The following NTRK2 variants were observed in gnomAD, a reference collection of about 807,000 sequenced individuals.
NTRK2 encodes BDNF/NT-3 growth factors receptor.
In NTRK2, 13 loss-of-function variants were observed where a neutral mutation model predicts 94.5. That is an observed-to-expected ratio of 0.14 (90% CI 0.09 to 0.22). The LOEUF (loss-of-function observed/expected upper bound fraction) is 0.22, where lower values mean the gene tolerates loss of function less well. NTRK2 is among the 10% of genes least tolerant of loss of function. The pLI is 1.00. For synonymous variants in NTRK2, 372 were observed against 407.4 expected, an observed-to-expected ratio of 0.91 and a Z score of 1.05; for missense variants, 639 against 1,071.2, an observed-to-expected ratio of 0.60 and a Z score of 5.63.
intron 12 of NTRK2, among the ~76,000 whole-genome samples, chr9:84,778,303 G>T (rs370282033): frequency 2.8e-4 from 43 of 152,202 alleles, no homozygotes; most frequent in African/African-American, 8.2e-4. Flanking sequence ...TAAATTGTGG[G>T]TTTAACTAGC....
intron 9 of NTRK2, among the ~76,000 whole-genome samples, chr9:84,733,452 G>A (rs2132171807): frequency 6.6e-6 from 1 of 152,314 alleles, no homozygotes; most frequent in South Asian, 2.1e-4. Context: ...GTCTTTGGAG[G>A]TATGAGAAAC....
chr9:84,872,335 C>A, intron 14 of NTRK2: 2 of 1,103,188 alleles, frequency 1.8e-6, no homozygotes, highest in Non-Finnish European at 2.2e-6. Context: ...CCAGCAAAAT[C>A]CCCAAATCAT....
chr9:84,833,616 G>C (rs1211734620), intron 12 of NTRK2, among the ~76,000 whole-genome samples: 1 of 149,404 alleles, frequency 6.7e-6, no homozygotes, highest in Admixed American at 6.7e-5. Context: ...AAAAGAAAGA[G>C]AGAGAGAAAG....
At chr9:84,795,578 C>T (rs2069214950) in intron 12 of NTRK2, among the ~76,000 whole-genome samples, 1 of 152,172 alleles carries the variant, frequency 6.6e-6, no homozygotes, top group South Asian at 2.1e-4. Flanking sequence ...TGGGAAGCAG[C>T]CCCAGGTCTC....
intron 12 of NTRK2, among the ~76,000 whole-genome samples, chr9:84,769,179 G>C (rs911863965): frequency 6.6e-6 from 1 of 152,068 alleles, no homozygotes; most frequent in African/African-American, 2.4e-5. Context: ...TAAATTGTAC[G>C]TGGTCAAATT....
intron 14 of NTRK2, chr9:84,874,867 C>A: frequency 9.4e-7 from 1 of 1,058,356 alleles, no homozygotes; most frequent in Non-Finnish European, 1.1e-6. Flanking sequence ...CCTAAACAGA[C>A]TGGAATGAGT....
intron 17 of NTRK2, among the ~76,000 whole-genome samples, chr9:85,015,688 GA>G (rs1832142006): frequency 6.6e-6 from 1 of 152,204 alleles, no homozygotes; most frequent in South Asian, 2.1e-4. Context: ...AAGAGCACTA[GA>G]ACCATCCCTG....
chr9:84,723,487 A>G (rs2062215959), intron 6 of NTRK2, 86 bp from the exon 7 acceptor site: 3 of 1,478,170 alleles, frequency 2.0e-6, no homozygotes, highest in Non-Finnish European at 2.8e-6. Context: ...TTTTTAAAGC[A>G]TAAACAGTTT....
chr9:84,979,315 G>A (rs1827289155), intron 17 of NTRK2, among the ~76,000 whole-genome samples: 1 of 152,192 alleles, frequency 6.6e-6, no homozygotes, highest in South Asian at 2.1e-4. Context: ...GCATTTGGAA[G>A]AAGTTGATTT....
intron 14 of NTRK2, among the ~76,000 whole-genome samples, chr9:84,931,579 G>A (rs759792925): frequency 8.5e-5 from 13 of 152,216 alleles, no homozygotes; most frequent in South Asian, 6.2e-4. Context: ...TGCTTTCAAG[G>A]TCAACGTGGA....
At chr9:84,874,864 A>G in intron 14 of NTRK2, 2 of 1,058,200 alleles carry the variant, frequency 1.9e-6, no homozygotes, top group Non-Finnish European at 2.3e-6. Flanking sequence ...AGTCCTAAAC[A>G]GACTGGAATG....
chr9:84,774,349 G>A (rs1016823741), intron 12 of NTRK2, among the ~76,000 whole-genome samples: 1 of 152,202 alleles, frequency 6.6e-6, no homozygotes, highest in Non-Finnish European at 1.5e-5. Flanking sequence ...CCTCACTTCT[G>A]AATCTCAACA....
At chr9:84,898,733 C>T (rs1337634036) in intron 14 of NTRK2, among the ~76,000 whole-genome samples, 2 of 151,110 alleles carry the variant, frequency 1.3e-5, no homozygotes, top group Non-Finnish European at 1.5e-5. Flanking sequence ...TTTTTTTCCT[C>T]GCTCTGTTGC....
intron 15 of NTRK2, among the ~76,000 whole-genome samples, chr9:84,941,615 AT>A (rs1432061854): frequency 5.9e-5 from 9 of 152,168 alleles, no homozygotes; most frequent in African/African-American, 2.2e-4. Flanking sequence ...CAGTCAAACA[AT>A]GGTCTACCAT....
At chr9:84,776,149 G>C (rs1336855917) in intron 12 of NTRK2, among the ~76,000 whole-genome samples, 2 of 130,312 alleles carry the variant, frequency 1.5e-5, no homozygotes, top group Non-Finnish European at 3.3e-5. Flanking sequence ...AGATAGGTAG[G>C]TAGAGAGATA....
chr9:84,978,931 C>A (rs1452720023), intron 17 of NTRK2, among the ~76,000 whole-genome samples: 5 of 152,202 alleles, frequency 3.3e-5, no homozygotes, highest in Admixed American at 2.0e-4. Flanking sequence ...TCTGTTTACA[C>A]CATGGTTAAC....
At chr9:84,771,807 TTATCA>T (rs2132842762) in intron 12 of NTRK2, among the ~76,000 whole-genome samples, 1 of 152,354 alleles carries the variant, frequency 6.6e-6, no homozygotes, top group South Asian at 2.1e-4. Flanking sequence ...AATGCTTAGC[TTATCA>T]TATTGAAAGA....
At chr9:84,761,766 C>T (rs919334158) in intron 12 of NTRK2, among the ~76,000 whole-genome samples, 3 of 152,166 alleles carry the variant, frequency 2.0e-5, no homozygotes, top group Non-Finnish European at 4.4e-5. Flanking sequence ...AAAATATTGC[C>T]TCTAAGTTAT....
intron 12 of NTRK2, among the ~76,000 whole-genome samples, chr9:84,839,223 G>T (rs928194436): frequency 8.5e-5 from 13 of 152,184 alleles, no homozygotes; most frequent in African/African-American, 3.1e-4. Flanking sequence ...CTCATCAGAA[G>T]AGTCAAATAC....
Sources: gnomAD v4.1 joint callset for allele counts (sites outside exome capture counted in the v4.1 genomes callset) on GRCh38, gnomAD v4.1.1 for gene constraint, MANE v1.5 for transcripts, NCBI Gene and HGNC (gene_info 2026-07-23, HGNC 2026-07-21) for gene names.